The following P2RY8 variants were observed in gnomAD, a reference collection of about 807,000 sequenced individuals.
P2RY8 encodes P2Y receptor family member 8, also known as S-geranylgeranyl-glutathione receptor P2RY8.
P2RY8 carries 6 observed loss-of-function variants against 10.0 expected under a neutral mutation model. The ratio of observed to expected loss-of-function variants is 0.60; its 90% CI spans 0.33 to 1.19. The LOEUF is 1.19. P2RY8 is among the 50% of genes most tolerant of loss of function. The probability of loss-of-function intolerance (pLI) is 0.04; values close to 1 mark genes in which losing one functional copy is unlikely to be tolerated. For synonymous variants in P2RY8, 276 were observed against 252.5 expected, an observed-to-expected ratio of 1.09 and a Z score of -0.88; for missense variants, 456 against 542.0, an observed-to-expected ratio of 0.84 and a Z score of 1.58.
At position 1,518,554 on chromosome X, in the gene P2RY8, C is replaced by A. The variant is rs553952355; in HGVS notation, c.-25+18367G>T. 1.6e-3 allele frequency among the ~76,000 whole-genome samples: 246 copies of A among 151,606 alleles called. 3 individuals carry two copies. The South Asian group carries it at 0.025, about 15-fold the overall frequency. ...AGCTCCCTAGTCCCCCAAAACCTGT[C>A]TGTTTCCCCAAAATCTTTCTGGTCT... is the stretch of plus-strand genomic sequence containing the variant. On this transcript the variant is annotated intron_variant, in intron 1 of 1. Transcript: ENST00000381297.
intron 1 of P2RY8, among the ~76,000 whole-genome samples, chrX:1,516,725 T>C (rs1260918766): frequency 1.4e-4 from 21 of 151,480 alleles, no homozygotes; most frequent in East Asian, 9.7e-4. Context: ...TATTCTGTGA[T>C]AGCAGCCTGA....
intron 1 of P2RY8, among the ~76,000 whole-genome samples, chrX:1,483,828 T>C (rs187447350): frequency 6.6e-6 from 1 of 150,836 alleles, no homozygotes; most frequent in East Asian, 2.0e-4. Context: ...AGAGCTGGGC[T>C]CTCCTAAACC....
At chrX:1,492,069 C>G (rs2092058049) in intron 1 of P2RY8, among the ~76,000 whole-genome samples, 5 of 152,282 alleles carry the variant, frequency 3.3e-5, no homozygotes, top group Admixed American at 2.6e-4. Context: ...CCCAGCACCC[C>G]TCGCCCCTGG....
intron 1 of P2RY8, among the ~76,000 whole-genome samples, chrX:1,473,192 G>C (rs1432340226): frequency 6.6e-6 from 1 of 150,806 alleles, no homozygotes; most frequent in African/African-American, 2.4e-5. Context: ...TGGATGGATG[G>C]GTGGGTGGAT....
chrX:1,515,474 C>T (rs1441526326), intron 1 of P2RY8, among the ~76,000 whole-genome samples: 3 of 151,460 alleles, frequency 2.0e-5, no homozygotes, highest in African/African-American at 2.4e-5. Context: ...CAGGTTCAAG[C>T]GATTCCCCTG....
At chrX:1,486,618 G>A (rs1422323827) in intron 1 of P2RY8, among the ~76,000 whole-genome samples, 1 of 152,228 alleles carries the variant, frequency 6.6e-6, no homozygotes, top group Non-Finnish European at 1.5e-5. Context: ...TTGCAGGAAT[G>A]ACAAAGTGGT....
In P2RY8 at chrX:1,464,120, G is replaced by A. The variant is rs2091627426; in HGVS notation, c.*1359C>T. 4.3e-6 allele frequency: 1 copy of A among 233,260 alleles called. No homozygotes were observed. Among genetic ancestry groups the A allele is most frequent in the African/African-American group, 2.2e-5 (1 of 45,356 alleles). The allele number at this position is 233,260 out of a possible 1,614,324, so 14.4% of individuals were successfully genotyped here. On this transcript the variant is annotated 3_prime_UTR_variant, in exon 2 of 2. Coordinates refer to ENST00000381297, the MANE Select transcript of P2RY8 (RefSeq NM_178129.5). ...AGAAAGGGAGGGGCCGGGCATCCAAGGCCACCCACTGCGGAGACGCAGAGC... is the reference window on the plus strand; with the variant it reads ...AGAAAGGGAGGGGCCGGGCATCCAAAGCCACCCACTGCGGAGACGCAGAGC...
chrX:1,522,540 C>G (rs1272376239), intron 1 of P2RY8, among the ~76,000 whole-genome samples: 1 of 152,178 alleles, frequency 6.6e-6, no homozygotes, highest in South Asian at 2.1e-4. Flanking sequence ...GCCTCTAGTC[C>G]CAGCACCTTG....
At chrX:1,475,955 C>G (rs2091868162) in intron 1 of P2RY8, among the ~76,000 whole-genome samples, 2 of 152,148 alleles carry the variant, frequency 1.3e-5, no homozygotes, top group Non-Finnish European at 1.5e-5. Context: ...CATTGAACCA[C>G]TAGGGTAGGG....
At chrX:1,474,045 G>GCT (rs2091841705) in intron 1 of P2RY8, among the ~76,000 whole-genome samples, 1 of 129,116 alleles carries the variant, frequency 7.7e-6, no homozygotes, top group African/African-American at 3.0e-5. Flanking sequence ...GTGGATGAAT[G>GCT]GTAGGCGGGT....
At position 1,509,289 on chromosome X, in the gene P2RY8, G is replaced by A. The variant is rs1286639184; in HGVS notation, c.-25+27632C>T. 8.3e-5 allele frequency among the ~76,000 whole-genome samples: 12 copies of A among 144,788 alleles called. No individual in the cohort carries two copies. In the South Asian group the frequency reaches 1.3e-3, roughly 16 times the overall value. 95.0% of individuals were successfully genotyped at this position (144,788 alleles called of 152,430 possible). A position where few individuals can be genotyped will look rare whatever the true frequency, so the allele number is the denominator to read the frequency against. On this transcript the variant is annotated intron_variant, in intron 1 of 1. Transcript: ENST00000381297. ...ATCTATCTATCTATCCATCATCTAT[G>A]TATCTATCCATCTATTCATCCATCT...
At chrX:1,482,431 G>C (rs1426197310) in intron 1 of P2RY8, among the ~76,000 whole-genome samples, 11 of 152,044 alleles carry the variant, frequency 7.2e-5, no homozygotes, top group Admixed American at 1.3e-4. Context: ...GTTTTAGCAG[G>C]TTATGGCAGA....
intron 1 of P2RY8, among the ~76,000 whole-genome samples, chrX:1,513,947 C>T (rs2092319326): frequency 6.6e-6 from 1 of 152,218 alleles, no homozygotes; most frequent in Non-Finnish European, 1.5e-5. Context: ...ATGATCTCAT[C>T]CCAAACCCTT....
At chrX:1,485,317 T>C (rs2091976655) in intron 1 of P2RY8, among the ~76,000 whole-genome samples, 1 of 152,028 alleles carries the variant, frequency 6.6e-6, no homozygotes, top group Non-Finnish European at 1.5e-5. Flanking sequence ...TTTTGAATTT[T>C]AGCAAAGATG....
chrX:1,498,829 C>A (rs1397438765), intron 1 of P2RY8, among the ~76,000 whole-genome samples: 2 of 151,326 alleles, frequency 1.3e-5, no homozygotes, highest in African/African-American at 4.9e-5. Context: ...CGAACCACCG[C>A]ACCTGGCCCT....
At chrX:1,495,908 A>G (rs1296441746) in intron 1 of P2RY8, among the ~76,000 whole-genome samples, 1 of 141,946 alleles carries the variant, frequency 7.0e-6, no homozygotes, top group African/African-American at 2.5e-5. Flanking sequence ...AGATGAGGAC[A>G]CAGACACACA....
At position 1,531,406 on chromosome X, in the gene P2RY8, G is replaced by GGGGTCCCCCTGCTTACA. The variant is rs1189231245; in HGVS notation, c.-25+5498_-25+5514dup. On this transcript the variant is annotated intron_variant, in intron 1 of 1. Coordinates refer to ENST00000381297, the MANE Select transcript of P2RY8 (RefSeq NM_178129.5). ...ATCTTCCTGCATGCCCTCTCCATCA[G>GGGGTCCCCCTGCTTACA]GGGTCCCCCTGCTTACAGGGTCCCC... Among the ~76,000 whole-genome samples the GGGGTCCCCCTGCTTACA allele has an allele frequency of 3.3e-5, 5 of 152,202 alleles. No homozygotes were observed. In the East Asian group the frequency reaches 9.6e-4, roughly 29 times the overall value.
chrX:1,531,501 C>A (rs1318467242), intron 1 of P2RY8, among the ~76,000 whole-genome samples: 1 of 152,126 alleles, frequency 6.6e-6, no homozygotes, highest in Non-Finnish European at 1.5e-5. Context: ...GCTCAGCCCA[C>A]CCCCAGCTCA....
chrX:1,504,191 C>T (rs1192662913), intron 1 of P2RY8, among the ~76,000 whole-genome samples: 1 of 151,868 alleles, frequency 6.6e-6, no homozygotes, highest in East Asian at 1.9e-4. Context: ...TTGCAGGCGC[C>T]TGTAGTCCCA....
Sources: gnomAD v4.1 joint callset for allele counts (sites outside exome capture counted in the v4.1 genomes callset) on GRCh38, gnomAD v4.1.1 for gene constraint, MANE v1.5 for transcripts, NCBI Gene and HGNC (gene_info 2026-07-23, HGNC 2026-07-21) for gene names.